NXN: variants seen among roughly 807,000 people sequenced by gnomAD.
NXN encodes nucleoredoxin 1.
In NXN, 16 loss-of-function variants were observed where a neutral mutation model predicts 48.6. The ratio of observed to expected loss-of-function variants is 0.33; its 90% confidence interval spans 0.22 to 0.50. The LOEUF (loss-of-function observed/expected upper bound fraction) is 0.50, where lower values mean the gene tolerates loss of function less well. NXN is among the 20% of genes least tolerant of loss of function. The pLI is 0.98. For missense variants in NXN, 492 were observed against 605.5 expected (o/e 0.81, Z 1.97); for synonymous variants, 281 against 269.6 (o/e 1.04, Z -0.41).
intron 1 of NXN, among the ~76,000 whole-genome samples, chr17:829,512 G>C (rs1913333741): frequency 6.9e-6 from 1 of 144,902 alleles, no homozygotes; most frequent in African/African-American, 2.6e-5. Flanking sequence ...GTGCAGGTTT[G>C]TTACGTAGGA....
Position 811,270 on chromosome 17 carries a change from C to T in NXN, c.821-6023G>A, listed in dbSNP as rs559951004. 2.6e-5 allele frequency among the ~76,000 whole-genome samples: 4 copies of T among 152,302 alleles called. No homozygotes were observed. In the South Asian group the frequency reaches 6.2e-4, roughly 24 times the overall value. ...GGCCCTGCACAGCCCTCAGGCCGTC[C>T]GCCCTCCCTGAAGGTTGGGCCACGG... On this transcript the variant is annotated intron_variant, in intron 5 of 7. Transcript: ENST00000336868.
chr17:908,658 C>T (rs950179329), intron 1 of NXN, among the ~76,000 whole-genome samples: 5 of 152,202 alleles, frequency 3.3e-5, no homozygotes, highest in Admixed American at 3.3e-4. Flanking sequence ...CTGGAGAGCG[C>T]TTCAGGGTTA....
chr17:880,729 C>G (rs1354913586), intron 1 of NXN, among the ~76,000 whole-genome samples: 1 of 152,136 alleles, frequency 6.6e-6, no homozygotes, highest in Non-Finnish European at 1.5e-5. Context: ...CTGGCCTTCT[C>G]CTAAGGGGGC....
At position 835,240 on chromosome 17, in the gene NXN, G is replaced by A. The variant is rs1271793856; in HGVS notation, c.361-9162C>T. Among the ~76,000 whole-genome samples, 15 of 151,216 alleles carry A rather than the reference G, an allele frequency of 9.9e-5. No individual in the cohort carries two copies. In the East Asian group the frequency reaches 1.4e-3, roughly 14 times the overall value. On this transcript the variant is annotated intron_variant, in intron 1 of 7. Transcript: ENST00000336868. The stretch of plus-strand genomic sequence containing the variant: ...GGAGAATGGCGTGAACCCAGGAGGC[G>A]GAGCTTGCAGTGAGCTGAGATCGTG...
intron 1 of NXN, among the ~76,000 whole-genome samples, chr17:860,891 C>T (rs568618913): frequency 6.6e-6 from 1 of 152,346 alleles, no homozygotes; most frequent in East Asian, 1.9e-4. Context: ...AGCTCTCTGA[C>T]TATTCCTCCT....
At chr17:810,236 G>A (rs1199918157) in intron 5 of NXN, among the ~76,000 whole-genome samples, 3 of 136,210 alleles carry the variant, frequency 2.2e-5, no homozygotes, top group Non-Finnish European at 3.3e-5. Flanking sequence ...TGTGAGTGGC[G>A]TGCACGTTAC....
At chr17:876,287 A>G (rs994741317) in intron 1 of NXN, among the ~76,000 whole-genome samples, 4 of 146,660 alleles carry the variant, frequency 2.7e-5, no homozygotes, top group African/African-American at 1.0e-4. Flanking sequence ...GCAGGTGCCC[A>G]GAAAAAAAGG....
intron 1 of NXN, among the ~76,000 whole-genome samples, chr17:870,017 T>A (rs1291737597): frequency 6.6e-6 from 1 of 152,186 alleles, no homozygotes; most frequent in East Asian, 1.9e-4. Flanking sequence ...TAGCAATGCC[T>A]GGGAACGTTC....
At chr17:824,078 C>T (rs966644130) in intron 2 of NXN, among the ~76,000 whole-genome samples, 1 of 147,616 alleles carries the variant, frequency 6.8e-6, no homozygotes, top group African/African-American at 2.5e-5. Flanking sequence ...CTCACTCTGT[C>T]GCCCCGGCTG....
rs565527362 is a variant in NXN at position 845,211 on chromosome 17, C to G, written c.361-19133G>C. ...GAATTCCACCCTTCTAGAGAGAATT[C>G]CACCCTTCTAGAGAGAATTCCACCC... On this transcript the variant is annotated intron_variant, in intron 1 of 7. Coordinates refer to ENST00000336868, the MANE Select transcript of NXN (RefSeq NM_022463.5). Among the ~76,000 whole-genome samples the G allele has an allele frequency of 1.8e-4, 28 of 151,824 alleles. No individual in the cohort carries two copies. The South Asian group carries it at 2.3e-3, about 12-fold the overall frequency.
chr17:898,282 C>T (rs537885977), intron 1 of NXN, among the ~76,000 whole-genome samples: 1 of 152,230 alleles, frequency 6.6e-6, no homozygotes, highest in Admixed American at 6.6e-5. Flanking sequence ...GAAAAACTGC[C>T]CCAGTTGAGA....
At chr17:895,373 C>T (rs2068468039) in intron 1 of NXN, among the ~76,000 whole-genome samples, 1 of 151,774 alleles carries the variant, frequency 6.6e-6, no homozygotes, top group South Asian at 2.1e-4. Context: ...AAAGAGGGTA[C>T]CCAAAGAAGC....
intron 1 of NXN, among the ~76,000 whole-genome samples, chr17:948,411 T>C (rs750229426): frequency 1.3e-5 from 2 of 152,102 alleles, no homozygotes; most frequent in Non-Finnish European, 2.9e-5. Context: ...GTACACGGGT[T>C]ATATGTAAAT....
intron 5 of NXN, among the ~76,000 whole-genome samples, chr17:811,209 C>T (rs541358367): frequency 1.3e-5 from 2 of 152,286 alleles, no homozygotes; most frequent in East Asian, 3.9e-4. Flanking sequence ...TCACCCCGGC[C>T]GCCCGGCACC....
At chr17:912,543 G>C (rs2068646408) in intron 1 of NXN, among the ~76,000 whole-genome samples, 1 of 151,966 alleles carries the variant, frequency 6.6e-6, no homozygotes, top group Admixed American at 6.6e-5. Flanking sequence ...TTCAAAAGTT[G>C]TACTTCTTTA....
At position 836,842 on chromosome 17, in the gene NXN, G is replaced by A. The variant is rs1046434025; in HGVS notation, c.361-10764C>T. 2.0e-5 allele frequency among the ~76,000 whole-genome samples: 3 copies of A among 152,158 alleles called. 1 individual carries two copies. The highest frequency in any genetic ancestry group is 4.4e-5 in the Non-Finnish European group (3 of 68,034). ...TGACACAGACAATGGGTCTCATTCT[G>A]TGGCCCAGGCAAAATCATGGCTCAC... On this transcript the variant is annotated intron_variant, in intron 1 of 7. Coordinates refer to ENST00000336868, the MANE Select transcript of NXN (RefSeq NM_022463.5).
chr17:963,619 A>AG (rs1283112038), intron 1 of NXN, among the ~76,000 whole-genome samples: 7 of 151,974 alleles, frequency 4.6e-5, no homozygotes, highest in Non-Finnish European at 1.5e-5. Context: ...AAAGGACAAA[A>AG]AGGAAATTTT....
chr17:927,779 C>T (rs1455824084), intron 1 of NXN, among the ~76,000 whole-genome samples: 1 of 151,960 alleles, frequency 6.6e-6, no homozygotes, highest in Non-Finnish European at 1.5e-5. Flanking sequence ...ACAAAAGGGA[C>T]GGGCTTAGAG....
At chr17:937,258 A>G (rs2068917923) in intron 1 of NXN, among the ~76,000 whole-genome samples, 1 of 151,924 alleles carries the variant, frequency 6.6e-6, no homozygotes, top group South Asian at 2.1e-4. Flanking sequence ...TGCTGGGTGC[A>G]TTTTTTCTTA....
Sources: allele counts gnomAD v4.1 joint callset (sites outside exome capture counted in the v4.1 genomes callset), GRCh38; gene constraint gnomAD v4.1.1; transcripts MANE v1.5; gene names NCBI Gene and HGNC (gene_info 2026-07-23, HGNC 2026-07-21).